GRIA2: variants seen among roughly 807,000 people sequenced by gnomAD.
GRIA2 encodes glutamate ionotropic receptor AMPA type subunit 2.
In GRIA2, 14 loss-of-function variants were observed where a neutral mutation model predicts 97.3. That is an observed-to-expected ratio of 0.14 (90% CI 0.10 to 0.23). The LOEUF (loss-of-function observed/expected upper bound fraction) is 0.23. Ranked by LOEUF, GRIA2 falls within the 10% of genes least tolerant of loss-of-function variation. The pLI is 1.00. For synonymous variants in GRIA2, 412 were observed against 387.8 expected, an observed-to-expected ratio of 1.06 and a Z score of -0.73; for missense variants, 558 against 1,069.8, an observed-to-expected ratio of 0.52 and a Z score of 6.67.
chr4:157,259,920 C>T (rs1482191769), intron 2 of GRIA2, among the ~76,000 whole-genome samples: 1 of 152,106 alleles, frequency 6.6e-6, no homozygotes, highest in Non-Finnish European at 1.5e-5. Flanking sequence ...CTCCTCCTTG[C>T]TCATACATTC....
intron 6 of GRIA2, among the ~76,000 whole-genome samples, chr4:157,328,343 T>G (rs1181612161): frequency 6.6e-6 from 1 of 152,048 alleles, no homozygotes. Flanking sequence ...ACATTTCAAA[T>G]TTTTGCCAAA....
At chr4:157,260,839 T>C (rs1436581240) in intron 2 of GRIA2, among the ~76,000 whole-genome samples, 3 of 151,970 alleles carry the variant, frequency 2.0e-5, no homozygotes, top group Non-Finnish European at 2.9e-5. Context: ...TCCTTCTTTT[T>C]CTTCCCTTCT....
chr4:157,347,424 A>G (rs1735809864), intron 12 of GRIA2, among the ~76,000 whole-genome samples: 1 of 152,198 alleles, frequency 6.6e-6, no homozygotes, highest in South Asian at 2.1e-4. Flanking sequence ...TATTGTCCAT[A>G]CCAAAGAGAA....
intron 1 of GRIA2, 62 bp from the exon 2 acceptor site, chr4:157,221,605 G>T (rs933857794): frequency 1.9e-6 from 3 of 1,554,356 alleles, no homozygotes; most frequent in African/African-American, 1.4e-5. Context: ...GCTAGCGCGC[G>T]CCCCTCCTTT....
At chr4:157,228,742 G>A (rs1253622376) in intron 2 of GRIA2, among the ~76,000 whole-genome samples, 2 of 125,772 alleles carry the variant, frequency 1.6e-5, no homozygotes, top group Non-Finnish European at 3.1e-5. Flanking sequence ...GCAGTGAGCC[G>A]AGATAGCACC....
At chr4:157,311,029 GT>G (rs1734060592) in intron 3 of GRIA2, among the ~76,000 whole-genome samples, 1 of 151,964 alleles carries the variant, frequency 6.6e-6, no homozygotes. Context: ...GTTGATGTTT[GT>G]TGTCTTGATT....
chr4:157,228,847 CA>C (rs532240155), intron 2 of GRIA2, among the ~76,000 whole-genome samples: 1 of 139,256 alleles, frequency 7.2e-6, no homozygotes. Context: ...CTCCCCCCAC[CA>C]AAAAAAAACC....
intron 4 of GRIA2, among the ~76,000 whole-genome samples, chr4:157,314,773 T>C (rs182191741): frequency 1.3e-5 from 2 of 152,272 alleles, no homozygotes; most frequent in East Asian, 3.9e-4. Flanking sequence ...AAATGCAGAG[T>C]ATTTTGCACA....
chr4:157,338,576 G>A (rs1735407965), intron 11 of GRIA2, among the ~76,000 whole-genome samples: 1 of 151,992 alleles, frequency 6.6e-6, no homozygotes, highest in African/African-American at 2.4e-5. Flanking sequence ...TCTAAATTAA[G>A]ATGTTTTTTC....
intron 4 of GRIA2, among the ~76,000 whole-genome samples, chr4:157,314,215 C>T (rs1214730074): frequency 6.6e-6 from 1 of 152,130 alleles, no homozygotes; most frequent in African/African-American, 2.4e-5. Flanking sequence ...AAAATACACA[C>T]TTGTGTATGC....
chr4:157,290,825 T>C (rs547993642), intron 2 of GRIA2, among the ~76,000 whole-genome samples: 1 of 151,974 alleles, frequency 6.6e-6, no homozygotes, highest in African/African-American at 2.4e-5. Flanking sequence ...CTAGTGGCTC[T>C]GAAAAAGCCA....
At chr4:157,356,031 ATATT>A (rs1240379881) in intron 12 of GRIA2, among the ~76,000 whole-genome samples, 1 of 106,792 alleles carries the variant, frequency 9.4e-6, no homozygotes, top group African/African-American at 3.8e-5. Flanking sequence ...TTATATATTT[ATATT>A]TATTTATATA....
intron 2 of GRIA2, among the ~76,000 whole-genome samples, chr4:157,266,197 G>A (rs562800478): frequency 6.8e-4 from 104 of 152,220 alleles, no homozygotes; most frequent in African/African-American, 2.3e-3. Context: ...AATAAAAGTT[G>A]TCTAGAAGGC....
rs916021361 is a variant in GRIA2, at chr4:157,359,029, T to C, written c.2044-867T>C. The stretch of plus-strand genomic sequence containing the variant: ...GTCATCTTCCCAAAAGGGATTAAAG[T>C]CATGAGAAAGTTGTGAATAGAAAAA... On this transcript the variant is annotated intron_variant, in intron 12 of 15. Transcript: ENST00000264426. Among the ~76,000 whole-genome samples the C allele has an allele frequency of 3.3e-5, 5 of 152,262 alleles. No individual in the cohort carries two copies. In the East Asian group the frequency reaches 9.7e-4, roughly 29 times the overall value.
chr4:157,250,249 A>G (rs1460108574), intron 2 of GRIA2, among the ~76,000 whole-genome samples: 1 of 152,130 alleles, frequency 6.6e-6, no homozygotes, highest in Non-Finnish European at 1.5e-5. Context: ...AAAGCCCTAT[A>G]TATTAAAGTT....
chr4:157,363,543 G>T lies in GRIA2; in HGVS notation c.*112G>T. Reference sequence around the variant, plus strand: ...AGAATTTCCCAAAGCAGTGCATGCTGTCCCTTACGTGAGTCCTGGCATGGG... The same window carrying T: ...AGAATTTCCCAAAGCAGTGCATGCTTTCCCTTACGTGAGTCCTGGCATGGG... On this transcript the variant is annotated 3_prime_UTR_variant, in exon 16 of 16. Transcript: ENST00000264426. 8.1e-7 allele frequency: 1 copy of T among 1,236,518 alleles called. No individual in the cohort carries two copies. The highest frequency in any genetic ancestry group is 1.0e-6 in the Non-Finnish European group (1 of 989,182). 76.6% of individuals were successfully genotyped at this position (1,236,518 alleles called of 1,614,324 possible).
At position 157,333,349 on chromosome 4, in the gene GRIA2, G is replaced by A. The variant is rs767432678; in HGVS notation, c.1151G>A (p.Arg384Gln). Residue 384 changes from arginine to glutamine, a missense_variant, in exon 8 of 16, where the codon CGG becomes CAG. Arg to Gln is a conservative substitution (Grantham distance 43). Around this residue, in one of 8 missense-constraint regions of GRIA2, gnomAD observed 66 missense variants for 118.7 expected, o/e 0.56. Coordinates refer to ENST00000264426, the MANE Select transcript of GRIA2 (RefSeq NM_001083619.3). ...ATGGAGCTCAAAACTAATGGGCCCC[G>A]GAAGGTAAATCCTTAGTGATTTAAA... ...NIMELKTNGP[R>Q]KIGYWSEVDK... The A allele has an allele frequency of 4.0e-5, 62 of 1,547,114 alleles. No homozygotes were observed. The highest frequency in any genetic ancestry group is 1.8e-4 in the Middle Eastern group (1 of 5,704).
At chr4:157,242,076 C>A (rs986970849) in intron 2 of GRIA2, among the ~76,000 whole-genome samples, 4 of 151,974 alleles carry the variant, frequency 2.6e-5, no homozygotes, top group African/African-American at 9.7e-5. Context: ...CTATCTTACT[C>A]TTTTGGTAGA....
intron 2 of GRIA2, among the ~76,000 whole-genome samples, chr4:157,276,094 G>T (rs1364181781): frequency 6.6e-6 from 1 of 152,030 alleles, no homozygotes; most frequent in African/African-American, 2.4e-5. Context: ...CTTGTAAATT[G>T]GATTCCTAGG....
Sources: allele counts gnomAD v4.1 joint callset (sites outside exome capture counted in the v4.1 genomes callset), GRCh38; gene constraint gnomAD v4.1.1; regional missense constraint gnomAD v4.1.1; transcripts MANE v1.5; gene names NCBI Gene and HGNC (gene_info 2026-07-23, HGNC 2026-07-21).